Variants in TNNT2 observed in about 807,000 individuals in gnomAD.
TNNT2 encodes troponin T2, cardiac type.
A neutral mutation model predicts 62.4 loss-of-function variants in TNNT2; 34 were observed. The observed-to-expected ratio is 0.54, with a 90% confidence interval of 0.41 to 0.72. The LOEUF is 0.72. TNNT2 is among the 30% of genes least tolerant of loss of function. The pLI, the probability that TNNT2 is intolerant of heterozygous loss-of-function variation, is 0.00. For synonymous variants in TNNT2, 123 were observed against 127.2 expected (o/e 0.97, Z 0.22); for missense variants, 275 against 381.9 (o/e 0.72, Z 2.33).
chr1:201,360,965 C>T, intron 15 of TNNT2: 1 of 426,400 alleles, frequency 2.3e-6, no homozygotes, highest in Non-Finnish European at 4.4e-6. Flanking sequence ...TGGCTTGGTG[C>T]ATCCTGGTCC....
rs1553283445 is a variant in TNNT2, at chr1:201,366,829, C to T, written c.233+9G>A. 1.2e-6 allele frequency: 2 copies of T among 1,614,126 alleles called. No homozygotes were observed. The highest frequency in any genetic ancestry group is 1.7e-6 in the Non-Finnish European group (2 of 1,180,006). On this transcript the variant is annotated intron_variant, in intron 8 of 16. Transcript: ENST00000656932. ...GCTCCCGGCTCTACCCAGGTGCCTC[C>T]CCACTCACCTGGGCTTTGGTTTGGA...
chr1:201,367,730 G>T (rs779369646), intron 7 of TNNT2, 41 bp downstream of exon 7: 1 of 1,610,400 alleles, frequency 6.2e-7, no homozygotes, highest in South Asian at 1.1e-5. Context: ...GCTGTGAGGG[G>T]TTCCTTTGCC....
intron 5 of TNNT2, 56 bp from the exon 6 acceptor site, chr1:201,368,283 A>G (rs1660044630): frequency 1.3e-6 from 2 of 1,585,390 alleles, no homozygotes; most frequent in South Asian, 2.2e-5. Context: ...GCTATCAGGC[A>G]GAACCCAGAG....
intron 7 of TNNT2, 78 bp downstream of exon 7, chr1:201,367,693 G>A (rs1659903524): frequency 1.3e-6 from 2 of 1,487,576 alleles, no homozygotes; most frequent in Non-Finnish European, 1.9e-6. Context: ...CCTGGAAAGA[G>A]CACTGTGGGC....
chr1:201,375,910 C>A (rs998100053), intron 1 of TNNT2, among the ~76,000 whole-genome samples: 6 of 152,214 alleles, frequency 3.9e-5, no homozygotes, highest in Non-Finnish European at 5.9e-5. Flanking sequence ...CTGGGGGCAC[C>A]ATCCAGCTCC....
chr1:201,365,557 G>T, intron 9 of TNNT2, 53 bp downstream of exon 9: 1 of 1,579,920 alleles, frequency 6.3e-7, no homozygotes, highest in South Asian at 1.1e-5. Flanking sequence ...GTCACTGAGG[G>T]CCCTTGGGAC....
In TNNT2 at chr1:201,366,884, G is replaced by C. The variant is rs763789407; in HGVS notation, c.200-13C>G. On this transcript the variant is annotated splice_polypyrimidine_tract_variant and intron_variant, in intron 7 of 16. Transcript: ENST00000656932. ...TCCATTGGGCCATCTGGAGGAGATA[G>C]AAGCACACAGCCATGGGTCAGGGGG... 3.1e-6 allele frequency: 5 copies of C among 1,614,136 alleles called. No individual in the cohort carries two copies. The South Asian group carries it at 5.5e-5, about 18-fold the overall frequency.
chr1:201,365,737 A>T (rs1311174524), intron 8 of TNNT2, 67 bp from the exon 9 acceptor site: 13 of 1,592,610 alleles, frequency 8.2e-6, no homozygotes, highest in Admixed American at 1.7e-5. Context: ...TGTCCAGGAC[A>T]GGCAGGGCCC....
At chr1:201,373,072 G>A (rs1660886806) in intron 2 of TNNT2, 142 bp downstream of exon 2, 2 of 834,896 alleles carry the variant, frequency 2.4e-6, no homozygotes, top group East Asian at 2.4e-5. Context: ...AAAGGAAATG[G>A]CTATATCTCT....
At chr1:201,368,134 G>T (rs375343614) in intron 6 of TNNT2, 28 bp downstream of exon 6, 2 of 1,613,080 alleles carry the variant, frequency 1.2e-6, no homozygotes, top group African/African-American at 2.7e-5. Context: ...ACCCCCTGAG[G>T]CCCCTGCACC....
chr1:201,367,741 T>A, intron 7 of TNNT2, 30 bp downstream of exon 7: 1 of 1,613,762 alleles, frequency 6.2e-7, no homozygotes, highest in Non-Finnish European at 8.5e-7. Flanking sequence ...TTCCTTTGCC[T>A]CCCTTGTACC....
At position 201,372,149 on chromosome 1, in the gene TNNT2, C is replaced by T; in HGVS notation, c.48G>A (p.Gln16=). The T allele has an allele frequency of 6.2e-7, 1 of 1,614,220 alleles. No homozygotes were observed. The highest frequency in any genetic ancestry group is 8.5e-7 in the Non-Finnish European group (1 of 1,180,048). ...EVVEEYEEEE[Q]EEAAVEEEED... The stretch of plus-strand genomic sequence containing the variant: ...AGTACACACGTTTACGCTTACCTTC[C>T]TGCTCCCTGAGAGCAACAGGAAACA... The change falls in exon 3 of 17, where the codon CAG becomes CAA. Residue 16 remains glutamine (Q), a synonymous_variant. Transcript: ENST00000656932.
At chr1:201,365,700 C>T (rs759381316) in intron 8 of TNNT2, 30 bp from the exon 9 acceptor site, 8 of 1,611,816 alleles carry the variant, frequency 5.0e-6, no homozygotes, top group Non-Finnish European at 5.9e-6. Context: ...TCAGCATCAG[C>T]CCCATTCTGG....
At chr1:201,371,976 A>G in intron 4 of TNNT2, 51 bp downstream of exon 4, 1 of 1,613,232 alleles carries the variant, frequency 6.2e-7, no homozygotes, top group Non-Finnish European at 8.5e-7. Flanking sequence ...CAGGATTTCC[A>G]CATTGCTGAG....
At chr1:201,362,427 A>G in intron 12 of TNNT2, 33 bp from the exon 13 acceptor site, 1 of 1,612,248 alleles carries the variant, frequency 6.2e-7, no homozygotes, top group Non-Finnish European at 8.5e-7. Context: ...AGAGGCCCAT[A>G]GAAAAAGACC....
intron 10 of TNNT2, among the ~76,000 whole-genome samples, chr1:201,364,796 G>A (rs1324528698): frequency 2.6e-5 from 4 of 152,254 alleles, no homozygotes; most frequent in African/African-American, 4.8e-5. Flanking sequence ...CAGCCTCCAC[G>A]CTCTGCAGGA....
chr1:201,376,594 G>A (rs1661428912), intron 1 of TNNT2, among the ~76,000 whole-genome samples: 3 of 152,324 alleles, frequency 2.0e-5, no homozygotes. Flanking sequence ...TTTGCAGAGA[G>A]AAGGAAGATT....
chr1:201,371,923 AGAGT>A (rs1660664622), intron 4 of TNNT2, 100 bp downstream of exon 4: 3 of 1,467,398 alleles, frequency 2.0e-6, no homozygotes, highest in Non-Finnish European at 2.8e-6. Context: ...TGCTCAGCTG[AGAGT>A]GAGGAGCAGG....
chr1:201,366,358 C>T lies in TNNT2; in HGVS notation c.233+480G>A, dbSNP rs918138863. ...CATAAAAAGGGAAATGCTCCCTATCCCCCAGCCCCCCCCAGCACACACCAC... is the reference window on the plus strand; with the variant it reads ...CATAAAAAGGGAAATGCTCCCTATCTCCCAGCCCCCCCCAGCACACACCAC... On this transcript the variant is annotated intron_variant, in intron 8 of 16. Coordinates refer to ENST00000656932, the MANE Select transcript of TNNT2 (RefSeq NM_001276345.2). 4.8e-5 allele frequency: 44 copies of T among 924,372 alleles called. No individual in the cohort carries two copies. In the African/African-American group the frequency reaches 9.1e-4, roughly 19 times the overall value. The allele number at this position is 924,372 out of a possible 1,614,324, so 57.3% of individuals were successfully genotyped here.
Sources: gnomAD v4.1 joint callset for allele counts (sites outside exome capture counted in the v4.1 genomes callset) on GRCh38, gnomAD v4.1.1 for gene constraint, MANE v1.5 for transcripts, NCBI Gene and HGNC (gene_info 2026-07-23, HGNC 2026-07-21) for gene names.